Variants in ZSCAN18 observed in about 807,000 individuals in gnomAD.
ZSCAN18 encodes the protein zinc finger and SCAN domain-containing protein 18.
In ZSCAN18, 16 loss-of-function variants were observed where a neutral mutation model predicts 31.1. That is an observed-to-expected ratio of 0.51 (90% CI 0.35 to 0.78). The LOEUF (loss-of-function observed/expected upper bound fraction) is 0.78. Ranked by LOEUF, ZSCAN18 falls within the 30% of genes least tolerant of loss-of-function variation. ZSCAN18 has a pLI of 0.01. For synonymous variants in ZSCAN18, 375 were observed against 320.7 expected (o/e 1.17, Z -1.81); for missense variants, 731 against 697.4 (o/e 1.05, Z -0.54).
At chr19:58,104,530 C>A (rs1269805661) in intron 1 of ZSCAN18, among the ~76,000 whole-genome samples, 1 of 151,816 alleles carries the variant, frequency 6.6e-6, no homozygotes, top group Non-Finnish European at 1.5e-5. Flanking sequence ...GAAACCCCAT[C>A]TCTGCTAAAA....
chr19:58,114,708 T>A (rs1031731580), intron 1 of ZSCAN18, among the ~76,000 whole-genome samples: 1 of 152,158 alleles, frequency 6.6e-6, no homozygotes, highest in African/African-American at 2.4e-5. Context: ...TACAGGCACA[T>A]AAAACAAATA....
chr19:58,085,532 C>T (rs2074260851), intron 6 of ZSCAN18, 153 bp from the exon 7 acceptor site: 1 of 669,306 alleles, frequency 1.5e-6, no homozygotes, highest in Non-Finnish European at 2.4e-6. Flanking sequence ...GCTGTCCCTC[C>T]CAGGCAGCCC....
chr19:58,096,172 T>A (rs2074516748), intron 1 of ZSCAN18, among the ~76,000 whole-genome samples: 1 of 152,110 alleles, frequency 6.6e-6, no homozygotes, highest in African/African-American at 2.4e-5. Flanking sequence ...TTGGAGGCTG[T>A]GATTGGCCAC....
At chr19:58,098,266 C>G (rs2074560150), upstream of ZSCAN18, 2 of 985,536 alleles carry the variant, frequency 2.0e-6, no homozygotes, top group South Asian at 9.4e-5. Context: ...TGGGCCTCAC[C>G]GCGGACTACG....
chr19:58,098,278 C>A, upstream of ZSCAN18: 1 of 985,496 alleles, frequency 1.0e-6, no homozygotes, highest in Non-Finnish European at 1.2e-6. Context: ...CGGACTACGA[C>A]TCCCACAATG....
intron 1 of ZSCAN18, chr19:58,092,771 C>T: frequency 1.0e-5 from 8 of 761,964 alleles, no homozygotes; most frequent in Non-Finnish European, 1.3e-5. Flanking sequence ...GATACCTCTA[C>T]TTTTTTTTTT....
exon 1 of ZSCAN18, chr19:58,118,357 C>T: frequency 6.5e-7 from 1 of 1,533,776 alleles, no homozygotes; most frequent in Non-Finnish European, 8.8e-7. Flanking sequence ...CTTCCCGCCG[C>T]CGTAGCGTCC....
chr19:58,085,530 T>G, intron 6 of ZSCAN18, 151 bp from the exon 7 acceptor site: 1 of 679,158 alleles, frequency 1.5e-6, no homozygotes, highest in Non-Finnish European at 2.4e-6. Flanking sequence ...GCGCTGTCCC[T>G]CCCAGGCAGC....
At chr19:58,117,310 C>G (rs1193330231) in intron 1 of ZSCAN18, among the ~76,000 whole-genome samples, 1 of 151,904 alleles carries the variant, frequency 6.6e-6, no homozygotes, top group African/African-American at 2.4e-5. Context: ...GAGGCCTGTC[C>G]CTGGGGGTCA....
At position 58,088,864 on chromosome 19, in the gene ZSCAN18, C is replaced by T. The variant is rs780809093; in HGVS notation, c.404-27G>A. On this transcript the variant is annotated intron_variant, in intron 2 of 6. Coordinates refer to ENST00000601144, the MANE Select transcript of ZSCAN18 (RefSeq NM_001145543.2). ...TGTCAACAGTGGAGGGACCTGTGAC[C>T]CCAAGAGGTCAGGACACGTGCCAAC... 12 of 1,598,266 alleles carry T rather than the reference C, an allele frequency of 7.5e-6. No individual in the cohort carries two copies. In the East Asian group the frequency reaches 2.5e-4, roughly 33 times the overall value.
At chr19:58,117,331 A>T (rs2074738466) in intron 1 of ZSCAN18, among the ~76,000 whole-genome samples, 1 of 152,106 alleles carries the variant, frequency 6.6e-6, no homozygotes, top group South Asian at 2.1e-4. Flanking sequence ...GCATTCGGGC[A>T]TCAGAGGTTT....
upstream of ZSCAN18, among the ~76,000 whole-genome samples, chr19:58,102,674 T>C (rs563728731): frequency 9.5e-5 from 14 of 147,672 alleles, no homozygotes; most frequent in African/African-American, 3.2e-4. Context: ...GCATCGGATA[T>C]GTCAATGTTA....
chr19:58,109,369 T>C (rs1428684664), intron 1 of ZSCAN18: 1 of 1,230,420 alleles, frequency 8.1e-7, no homozygotes. Flanking sequence ...AGAATGGTAA[T>C]GTGTAAACAT....
At chr19:58,095,400 C>T (rs1324465377) in intron 1 of ZSCAN18, among the ~76,000 whole-genome samples, 4 of 152,172 alleles carry the variant, frequency 2.6e-5, no homozygotes, top group Admixed American at 1.3e-4. Context: ...AATAGAGGCA[C>T]GAGGCAGGCA....
intron 1 of ZSCAN18, chr19:58,109,053 GACCA>G (rs556360165): frequency 2.0e-4 from 243 of 1,223,970 alleles, no homozygotes; most frequent in Non-Finnish European, 2.2e-4. Flanking sequence ...CTGAGCAGAT[GACCA>G]CAATGGTCAT....
rs199767535 is a variant in ZSCAN18 at position 58,084,767 on chromosome 19, G to A, written c.1451C>T (p.Ala484Val). The A allele has an allele frequency of 3.1e-4, 490 of 1,571,790 alleles. 2 individuals carry two copies. The East Asian group carries it at 0.011, about 35-fold the overall frequency. ...ARGPQPSTRE[A>V]QAGARAGGPP... Reference sequence around the variant, plus strand: ...ACCGCCCGCCCTAGCCCCCGCCTGGGCTTCGCGGGTGGACGGTTGGGGGCC... The same window carrying A: ...ACCGCCCGCCCTAGCCCCCGCCTGGACTTCGCGGGTGGACGGTTGGGGGCC... Residue 484 changes from alanine (A) to valine (V), a missense_variant, in exon 7 of 7, where the codon GCC becomes GTC. Physicochemically the swap from Ala to Val is moderately conservative, Grantham distance 64. Coordinates refer to ENST00000601144, the MANE Select transcript of ZSCAN18 (RefSeq NM_001145543.2). This position sits in a 1 kb window ranked among gnomAD's most constrained non-coding sequence, Gnocchi z 4.5.
intron 1 of ZSCAN18, among the ~76,000 whole-genome samples, chr19:58,115,912 C>T (rs1226397110): frequency 1.3e-5 from 2 of 151,968 alleles, no homozygotes; most frequent in African/African-American, 2.4e-5. Context: ...ACTTGCCTCC[C>T]TAAAGCACTG....
chr19:58,113,301 G>A (rs189204770), intron 1 of ZSCAN18, among the ~76,000 whole-genome samples: 13 of 151,748 alleles, frequency 8.6e-5, no homozygotes, highest in African/African-American at 3.1e-4. Flanking sequence ...GGGTGACAAA[G>A]CAAGACTCTG....
intron 1 of ZSCAN18, chr19:58,107,562 A>AAAAAT (rs2074644487): frequency 1.3e-6 from 1 of 768,432 alleles, no homozygotes; most frequent in African/African-American, 1.9e-5. Context: ...ACTCTGTCTC[A>AAAAAT]AAAATAAAAT....
Sources: gnomAD v4.1 joint callset for allele counts (sites outside exome capture counted in the v4.1 genomes callset) on GRCh38, gnomAD v4.1.1 for gene constraint, Gnocchi (gnomAD v3.1) non-coding constraint, MANE v1.5 for transcripts, NCBI Gene and HGNC (gene_info 2026-07-23, HGNC 2026-07-21) for gene names.